ABTB3: variants seen among roughly 807,000 people sequenced by gnomAD.
ABTB3 encodes ankyrin repeat and BTB domain containing 3, also known as ankyrin repeat- and BTB/POZ domain-containing protein 3.
the ABTB3 span, chr12:107,581,100 TG>T: frequency 6.5e-7 from 1 of 1,541,168 alleles, no homozygotes; most frequent in Non-Finnish European, 8.8e-7. Context: ...CGGCAGCCCC[TG>T]CCTCCGGGGA....
At chr12:107,611,382 C>T in the ABTB3 span, among the ~76,000 whole-genome samples, 2 of 152,212 alleles carry the variant, frequency 1.3e-5, no homozygotes, top group Admixed American at 1.3e-4. Flanking sequence ...GGTCTTGCTA[C>T]ACTGCCCAGG....
chr12:107,377,414 AGTGTGTGT>A, the ABTB3 span, among the ~76,000 whole-genome samples: 2,904 of 146,106 alleles, frequency 0.02, 74 homozygotes, highest in African/African-American at 0.055. Context: ...AGAGAGCAAG[AGTGTGTGT>A]GTGTGTGTGT....
chr12:107,656,419 T>C, the ABTB3 span, among the ~76,000 whole-genome samples: 2 of 152,258 alleles, frequency 1.3e-5, no homozygotes, highest in Non-Finnish European at 2.9e-5. Flanking sequence ...GACCACACAG[T>C]TGGCTTTGTA....
chr12:107,460,587 AG>A, the ABTB3 span, among the ~76,000 whole-genome samples: 32 of 151,908 alleles, frequency 2.1e-4, no homozygotes, highest in African/African-American at 7.7e-4. Flanking sequence ...TGAGCCCCGG[AG>A]GTGGAAGTGG....
At chr12:107,532,097 C>T in the ABTB3 span, among the ~76,000 whole-genome samples, 75 of 152,342 alleles carry the variant, frequency 4.9e-4, no homozygotes, top group East Asian at 9.3e-3. Context: ...TCCAGTGGTC[C>T]CACACATCAC....
the ABTB3 span, among the ~76,000 whole-genome samples, chr12:107,370,534 T>A: frequency 6.6e-6 from 1 of 152,176 alleles, no homozygotes. Flanking sequence ...CTGGCTCCCC[T>A]TCCTCTCTCA....
the ABTB3 span, among the ~76,000 whole-genome samples, chr12:107,482,991 TC>T: frequency 0.062 from 5,645 of 91,074 alleles, 372 homozygotes; most frequent in African/African-American, 0.096. Flanking sequence ...TTTCTTTCCT[TC>T]CTTCCTTCCT....
the ABTB3 span, among the ~76,000 whole-genome samples, chr12:107,415,064 G>A: frequency 2.5e-3 from 376 of 152,160 alleles, 5 homozygotes; most frequent in African/African-American, 8.5e-3. Context: ...CACAGCTTCC[G>A]TCTGAACTTC....
chr12:107,657,757 G>C, the ABTB3 span: 1 of 1,601,148 alleles, frequency 6.2e-7, no homozygotes, highest in East Asian at 2.2e-5. Context: ...GAACTTTCCA[G>C]TTCTCCTGCC....
the ABTB3 span, among the ~76,000 whole-genome samples, chr12:107,636,418 C>T: frequency 0.013 from 1,992 of 152,242 alleles, 49 homozygotes; most frequent in African/African-American, 0.045. Flanking sequence ...TTCCTACTTC[C>T]TGTTTCCCTT....
chr12:107,335,986 T>C, the ABTB3 span, among the ~76,000 whole-genome samples: 7 of 152,190 alleles, frequency 4.6e-5, no homozygotes, highest in East Asian at 1.4e-3. Context: ...CCGACAATTG[T>C]TTGCAATTCT....
At chr12:107,385,750 C>T in the ABTB3 span, among the ~76,000 whole-genome samples, 1 of 152,176 alleles carries the variant, frequency 6.6e-6, no homozygotes, top group African/African-American at 2.4e-5. Flanking sequence ...GTGCACCCCC[C>T]CAAGCCCTGA....
chr12:107,497,079 T>A, the ABTB3 span, among the ~76,000 whole-genome samples: 1 of 152,146 alleles, frequency 6.6e-6, no homozygotes, highest in Non-Finnish European at 1.5e-5. Flanking sequence ...GGCAAGTACT[T>A]TGAACAGTGC....
the ABTB3 span, among the ~76,000 whole-genome samples, chr12:107,648,380 C>CCCCACACACACACACACACACA: frequency 7.1e-6 from 1 of 140,100 alleles, no homozygotes; most frequent in African/African-American, 2.7e-5. Context: ...GACCCCATCT[C>CCCCACACACACACACACACACA]CACACACACA....
the ABTB3 span, among the ~76,000 whole-genome samples, chr12:107,593,179 T>A: frequency 1.3e-5 from 2 of 152,230 alleles, no homozygotes; most frequent in African/African-American, 4.8e-5. Flanking sequence ...TTGCTACCTA[T>A]TTTTATAAGT....
the ABTB3 span, among the ~76,000 whole-genome samples, chr12:107,595,655 G>A: frequency 6.6e-6 from 1 of 152,144 alleles, no homozygotes; most frequent in African/African-American, 2.4e-5. Flanking sequence ...GAGTTGGGCG[G>A]GAAGAATAGA....
the ABTB3 span, among the ~76,000 whole-genome samples, chr12:107,504,122 T>C: frequency 6.6e-6 from 1 of 152,066 alleles, no homozygotes; most frequent in African/African-American, 2.4e-5. Context: ...GAATTTAGAG[T>C]CCTCCTGTGG....
At chr12:107,508,434 A>ATTTTT in the ABTB3 span, among the ~76,000 whole-genome samples, 7 of 58,712 alleles carry the variant, frequency 1.2e-4, no homozygotes, top group Non-Finnish European at 1.5e-4. Flanking sequence ...CTCAAAGATC[A>ATTTTT]TTTCTTTTTT....
the ABTB3 span, among the ~76,000 whole-genome samples, chr12:107,530,164 T>C: frequency 6.6e-6 from 1 of 152,124 alleles, no homozygotes; most frequent in Non-Finnish European, 1.5e-5. Flanking sequence ...TCTGAGGAGA[T>C]GGTGAGATGG....
Sources: gnomAD v4.1 joint callset for allele counts (sites outside exome capture counted in the v4.1 genomes callset) on GRCh38, gnomAD v4.1.1 for gene constraint, MANE v1.5 for transcripts, NCBI Gene and HGNC (gene_info 2026-07-23, HGNC 2026-07-21) for gene names.